The following SLC5A4 variants were observed in gnomAD, a reference collection of about 807,000 sequenced individuals.
The protein encoded by SLC5A4 is solute carrier family 5 member 4.
A neutral mutation model predicts 70.3 loss-of-function variants in SLC5A4; 55 were observed. The observed-to-expected ratio is 0.78, with a 90% CI of 0.63 to 0.98. SLC5A4 has a LOEUF of 0.98. Ranked by LOEUF, SLC5A4 falls within the 50% of genes least tolerant of loss-of-function variation. SLC5A4 has a pLI of 0.00. For synonymous variants in SLC5A4, 268 were observed against 305.7 expected, an observed-to-expected ratio of 0.88 and a Z score of 1.29; for missense variants, 735 against 839.2, an observed-to-expected ratio of 0.88 and a Z score of 1.53.
chr22:32,261,059 CAAA>C, the SLC5A4 span, among the ~76,000 whole-genome samples: 1 of 128,250 alleles, frequency 7.8e-6, no homozygotes. Flanking sequence ...GGTGACAGGG[CAAA>C]AAAAAAAAAA....
chr22:32,317,834 T>C, the SLC5A4 span, among the ~76,000 whole-genome samples: 3 of 152,170 alleles, frequency 2.0e-5, no homozygotes, highest in Non-Finnish European at 4.4e-5. Context: ...GCAGGAGATA[T>C]AATACATAGA....
chr22:32,247,358 G>T, intron 5 of SLC5A4, 53 bp downstream of exon 5: 2 of 1,027,488 alleles, frequency 1.9e-6, no homozygotes, highest in Non-Finnish European at 3.1e-6. Context: ...TAGCACTCTG[G>T]CCCCATCTGA....
At chr22:32,308,450 G>T in the SLC5A4 span, among the ~76,000 whole-genome samples, 4 of 148,082 alleles carry the variant, frequency 2.7e-5, no homozygotes, top group Non-Finnish European at 4.6e-5. Flanking sequence ...GACCTGGACA[G>T]CGGCCTGTGG....
chr22:32,251,906 GT>G, intron 2 of SLC5A4, 32 bp from the exon 3 acceptor site: 1 of 1,495,850 alleles, frequency 6.7e-7, no homozygotes, highest in Non-Finnish European at 9.3e-7. Flanking sequence ...TAGGGTTGGA[GT>G]TAAAAGATCC....
At chr22:32,258,692 A>G (rs771303590), upstream of SLC5A4, among the ~76,000 whole-genome samples, 5 of 152,220 alleles carry the variant, frequency 3.3e-5, no homozygotes, top group African/African-American at 1.2e-4. Context: ...TCAAAAAGTT[A>G]AAAATTGCAA....
the SLC5A4 span, among the ~76,000 whole-genome samples, chr22:32,263,540 C>T: frequency 6.6e-6 from 1 of 152,130 alleles, no homozygotes; most frequent in East Asian, 1.9e-4. Context: ...ATTAAAAAGT[C>T]AGGAAACAAC....
the SLC5A4 span, among the ~76,000 whole-genome samples, chr22:32,326,768 T>C: frequency 2.1e-3 from 326 of 152,280 alleles, 2 homozygotes; most frequent in African/African-American, 7.5e-3. Flanking sequence ...GAGATGAGGC[T>C]GGATTAACTG....
chr22:32,341,331 C>A, the SLC5A4 span, among the ~76,000 whole-genome samples: 1 of 152,122 alleles, frequency 6.6e-6, no homozygotes, highest in Non-Finnish European at 1.5e-5. Flanking sequence ...CAAAGAGGAG[C>A]AAGAAGGGCG....
At chr22:32,310,132 G>A in the SLC5A4 span, among the ~76,000 whole-genome samples, 4 of 152,188 alleles carry the variant, frequency 2.6e-5, no homozygotes, top group East Asian at 7.7e-4. Context: ...AATCTCAAGG[G>A]ATGCTTACGT....
the SLC5A4 span, among the ~76,000 whole-genome samples, chr22:32,342,182 A>T: frequency 6.6e-6 from 1 of 152,224 alleles, no homozygotes. Context: ...ACACATTATA[A>T]CTAAAACATG....
the SLC5A4 span, among the ~76,000 whole-genome samples, chr22:32,353,492 G>T: frequency 1.3e-5 from 2 of 151,970 alleles, no homozygotes; most frequent in African/African-American, 4.8e-5. Context: ...GCTCCAGCAG[G>T]AGGAGATGGC....
intron 14 of SLC5A4, among the ~76,000 whole-genome samples, chr22:32,220,547 G>T (rs558653156): frequency 6.6e-6 from 1 of 152,316 alleles, no homozygotes; most frequent in African/African-American, 2.4e-5. Context: ...GAGAAAACCT[G>T]TCTGCCTGGA....
At chr22:32,271,580 G>A in the SLC5A4 span, 65 of 700,558 alleles carry the variant, frequency 9.3e-5, no homozygotes, top group Admixed American at 1.1e-3. Flanking sequence ...CCGGGGCCGC[G>A]TGGCGTGTTT....
the SLC5A4 span, among the ~76,000 whole-genome samples, chr22:32,312,365 G>GCACACACA: frequency 1.2e-3 from 120 of 102,202 alleles, no homozygotes; most frequent in African/African-American, 2.9e-3. Flanking sequence ...ACGCGCGCGC[G>GCACACACA]CACACACACA....
At chr22:32,219,828 G>A (rs1382743078) in intron 14 of SLC5A4, among the ~76,000 whole-genome samples, 1 of 151,952 alleles carries the variant, frequency 6.6e-6, no homozygotes, top group East Asian at 1.9e-4. Context: ...ATATACTAGA[G>A]ATTGAAAGGA....
At chr22:32,277,968 G>A in the SLC5A4 span, among the ~76,000 whole-genome samples, 1 of 151,628 alleles carries the variant, frequency 6.6e-6, no homozygotes, top group Non-Finnish European at 1.5e-5. Flanking sequence ...CATCTTCAGA[G>A]CTGTGGCCCA....
chr22:32,229,839 C>T (rs1028139775), intron 10 of SLC5A4, among the ~76,000 whole-genome samples: 2 of 152,056 alleles, frequency 1.3e-5, no homozygotes, highest in African/African-American at 2.4e-5. Context: ...CTTGAGGGGA[C>T]AGATTAAAGC....
the SLC5A4 span, among the ~76,000 whole-genome samples, chr22:32,343,835 T>C: frequency 1.3e-5 from 2 of 152,206 alleles, no homozygotes; most frequent in Non-Finnish European, 2.9e-5. Context: ...ATACACATTT[T>C]AAGGAGTGAG....
the SLC5A4 span, among the ~76,000 whole-genome samples, chr22:32,317,293 A>T: frequency 0.049 from 7,448 of 152,280 alleles, 355 homozygotes; most frequent in Admixed American, 0.15. Context: ...TAGCCTTAAA[A>T]CACTGATCTT....
Sources: gnomAD v4.1 joint callset for allele counts (sites outside exome capture counted in the v4.1 genomes callset) on GRCh38, gnomAD v4.1.1 for gene constraint, MANE v1.5 for transcripts, NCBI Gene and HGNC (gene_info 2026-07-23, HGNC 2026-07-21) for gene names.